Variants in KSR2 observed in about 807,000 individuals in gnomAD.
KSR2 encodes the protein kinase suppressor of ras 2.
A neutral mutation model predicts 107.8 loss-of-function variants in KSR2; 25 were observed. The observed-to-expected ratio is 0.23, with a 90% CI of 0.17 to 0.32. The LOEUF is 0.32. Ranked by LOEUF, KSR2 falls within the 10% of genes least tolerant of loss-of-function variation. The pLI, the probability that KSR2 is intolerant of heterozygous loss-of-function variation, is 1.00. For missense variants in KSR2, 887 were observed against 1,268.9 expected, an observed-to-expected ratio of 0.70 and a Z score of 4.57; for synonymous variants, 480 against 507.0, an observed-to-expected ratio of 0.95 and a Z score of 0.71.
chr12:117,713,547 G>A lies in KSR2; in HGVS notation c.987-45889C>T, dbSNP rs185004173. On this transcript the variant is annotated intron_variant, in intron 4 of 19. Transcript: ENST00000339824. Reference sequence around the variant, plus strand: ...TAAAATTGGGGCAGGAGGGAATGGGGGCTTTCACTGTTTTACTCTATCTAC... The same window carrying A: ...TAAAATTGGGGCAGGAGGGAATGGGAGCTTTCACTGTTTTACTCTATCTAC... 4.6e-3 allele frequency among the ~76,000 whole-genome samples: 700 copies of A among 152,226 alleles called. 6 individuals carry two copies. The highest frequency in any genetic ancestry group is 5.8e-3 in the Non-Finnish European group (393 of 68,018).
At chr12:117,701,036 A>G (rs1400083101) in intron 4 of KSR2, among the ~76,000 whole-genome samples, 1 of 152,168 alleles carries the variant, frequency 6.6e-6, no homozygotes, top group Non-Finnish European at 1.5e-5. Flanking sequence ...GCTCCACCTG[A>G]CTGCTCATCC....
intron 4 of KSR2, among the ~76,000 whole-genome samples, chr12:117,740,909 C>A (rs1225491358): frequency 1.3e-5 from 2 of 152,132 alleles, no homozygotes; most frequent in East Asian, 3.9e-4. Flanking sequence ...GCCACCGTGT[C>A]TGAGGCCCTC....
intron 7 of KSR2, among the ~76,000 whole-genome samples, chr12:117,565,063 C>T (rs1232207106): frequency 2.0e-5 from 3 of 152,168 alleles, no homozygotes; most frequent in Admixed American, 6.5e-5. Flanking sequence ...TCACAAGCAG[C>T]TCTGCTGTTT....
At chr12:117,641,989 T>C (rs1424543782) in intron 5 of KSR2, among the ~76,000 whole-genome samples, 4 of 152,202 alleles carry the variant, frequency 2.6e-5, no homozygotes, top group Non-Finnish European at 1.5e-5. Context: ...GCAGAGGCTA[T>C]TCCTTCTGCC....
chr12:117,633,758 C>CTA lies in KSR2; in HGVS notation c.1171+33714_1171+33715dup, dbSNP rs541728818. ...CTAACTCATCGCATCTGCAAAGACCCTATTTCTGTTAATAAAATCACACTC... is the reference window on the plus strand; with the variant it reads ...CTAACTCATCGCATCTGCAAAGACCCTATATTTCTGTTAATAAAATCACACTC... On this transcript the variant is annotated intron_variant, in intron 5 of 19. Coordinates refer to ENST00000339824, the MANE Select transcript of KSR2 (RefSeq NM_173598.6). Among the ~76,000 whole-genome samples, 98 of 152,268 alleles carry CTA rather than the reference C, an allele frequency of 6.4e-4. No homozygotes were observed. The Middle Eastern group carries it at 0.01, about 16-fold the overall frequency.
At chr12:117,924,572 CAAAAAAAA>C (rs58789868) in intron 1 of KSR2, among the ~76,000 whole-genome samples, 4 of 39,522 alleles carry the variant, frequency 1.0e-4, no homozygotes, top group Non-Finnish European at 9.8e-5. Flanking sequence ...AGCTCCATCT[CAAAAAAAA>C]AAAAAAAAAA....
chr12:117,675,729 C>G (rs1338999295), intron 4 of KSR2, among the ~76,000 whole-genome samples: 1 of 152,192 alleles, frequency 6.6e-6, no homozygotes, highest in African/African-American at 2.4e-5. Context: ...TCCCCTTCAA[C>G]TCAGAAGCCT....
chr12:117,941,650 G>T (rs1896012558), intron 1 of KSR2, among the ~76,000 whole-genome samples: 1 of 86,630 alleles, frequency 1.2e-5, no homozygotes, highest in East Asian at 4.0e-4. Context: ...TTTTTGAGAT[G>T]CAGTCTTGCT....
intron 12 of KSR2, among the ~76,000 whole-genome samples, chr12:117,530,603 G>A (rs79347806): frequency 0.013 from 2,035 of 152,132 alleles, 41 homozygotes; most frequent in African/African-American, 0.047. Flanking sequence ...GCTATCACCC[G>A]GGGAAAGTTT....
rs555561910 is a variant in KSR2 at position 117,478,076 on chromosome 12, A to T, written c.2451-1481T>A. Among the ~76,000 whole-genome samples the T allele has an allele frequency of 1.2e-4, 19 of 152,284 alleles. No homozygotes were observed. In the East Asian group the frequency reaches 2.7e-3, roughly 22 times the overall value. On this transcript the variant is annotated intron_variant, in intron 16 of 19. Transcript: ENST00000339824. ...ATTAACACAGGGGAAGGGAGCAGTC[A>T]GCGGGAGAGGGGGTGCATATCTCGA...
chr12:117,631,952 A>G, intron 5 of KSR2, among the ~76,000 whole-genome samples: 1 of 152,212 alleles, frequency 6.6e-6, no homozygotes, highest in Admixed American at 6.5e-5. Flanking sequence ...TATTACTGGT[A>G]TCAGGATGGA....
chr12:117,793,298 ACAC>A (rs1164596441), intron 3 of KSR2, among the ~76,000 whole-genome samples: 3 of 107,274 alleles, frequency 2.8e-5, no homozygotes, highest in Admixed American at 1.0e-4. Flanking sequence ...CATACCATAC[ACAC>A]AACATGCACA....
At chr12:117,553,013 G>C (rs753375433) in intron 9 of KSR2, among the ~76,000 whole-genome samples, 1 of 152,166 alleles carries the variant, frequency 6.6e-6, no homozygotes, top group African/African-American at 2.4e-5. Context: ...GATGATTGTC[G>C]TACGCCACTA....
At chr12:117,871,981 C>G (rs968844277) in intron 1 of KSR2, among the ~76,000 whole-genome samples, 3 of 152,112 alleles carry the variant, frequency 2.0e-5, no homozygotes, top group African/African-American at 7.2e-5. Flanking sequence ...CCTGAATTAC[C>G]TATATGATAG....
At position 117,667,565 on chromosome 12, in the gene KSR2, C is replaced by G; in HGVS notation, c.1080G>C (p.Leu360=). 3 of 1,613,324 alleles carry G rather than the reference C, an allele frequency of 1.9e-6. No individual in the cohort carries two copies. The highest frequency in any genetic ancestry group is 2.5e-6 in the Non-Finnish European group (3 of 1,179,674). The stretch of plus-strand genomic sequence containing the variant: ...AGAAGGAGCGGAGGGAGCGCTCGGA[C>G]AGCAGCGGGGAGCGCTGCTGAGAGG... ...NIPSQQRSPL[L]SERSLRSFFV... The change falls in exon 5 of 20, where the codon CTG becomes CTC. Residue 360 remains leucine, a synonymous_variant. Transcript: ENST00000339824.
At chr12:117,838,694 C>G (rs1289721865) in intron 3 of KSR2, among the ~76,000 whole-genome samples, 1 of 152,210 alleles carries the variant, frequency 6.6e-6, no homozygotes, top group East Asian at 1.9e-4. Context: ...GAGTTCTCCA[C>G]AGTCAATGCC....
intron 3 of KSR2, among the ~76,000 whole-genome samples, chr12:117,790,228 G>GC (rs1306143943): frequency 1.3e-5 from 2 of 152,190 alleles, no homozygotes; most frequent in African/African-American, 4.8e-5. Context: ...GATGACATGT[G>GC]CCCAAGGTGG....
intron 14 of KSR2, among the ~76,000 whole-genome samples, chr12:117,493,075 G>A (rs548847467): frequency 2.0e-5 from 3 of 152,094 alleles, no homozygotes; most frequent in Non-Finnish European, 4.4e-5. Flanking sequence ...GTGCTGCCTC[G>A]TGAGCAGATG....
chr12:117,651,051 G>T (rs1883884092), intron 5 of KSR2, among the ~76,000 whole-genome samples: 1 of 152,224 alleles, frequency 6.6e-6, no homozygotes, highest in Non-Finnish European at 1.5e-5. Context: ...TTGGAATGGG[G>T]ATTTGTGGGA....
Sources: gnomAD v4.1 joint callset for allele counts (sites outside exome capture counted in the v4.1 genomes callset) on GRCh38, gnomAD v4.1.1 for gene constraint, MANE v1.5 for transcripts, NCBI Gene and HGNC (gene_info 2026-07-23, HGNC 2026-07-21) for gene names.